GTF3C1: variants seen among roughly 807,000 people sequenced by gnomAD.
GTF3C1 encodes general transcription factor IIIC subunit 1, also known as general transcription factor 3C polypeptide 1.
In GTF3C1, 57 loss-of-function variants were observed where a neutral mutation model predicts 226.7. That is an observed-to-expected ratio of 0.25 (90% CI 0.20 to 0.31). The LOEUF is 0.31. Among genes scored for constraint, GTF3C1 ranks in the 10% least tolerant of loss-of-function variants. The pLI is 1.00. For synonymous variants in GTF3C1, 1,090 were observed against 1,084.8 expected (o/e 1.00, Z -0.09); for missense variants, 2,217 against 2,776.1 (o/e 0.80, Z 4.53).
chr16:27,546,053 G>A (rs1312015821), intron 1 of GTF3C1, among the ~76,000 whole-genome samples: 2 of 152,046 alleles, frequency 1.3e-5, no homozygotes, highest in Admixed American at 6.6e-5. Flanking sequence ...TCACCATGTT[G>A]GTCAGGGTGG....
intron 10 of GTF3C1, among the ~76,000 whole-genome samples, 166 bp downstream of exon 10, chr16:27,505,733 T>C (rs1189755121): frequency 1.3e-5 from 2 of 152,172 alleles, no homozygotes; most frequent in Non-Finnish European, 2.9e-5. Flanking sequence ...GTGAAAGTGG[T>C]GTGTAGATAA....
Position 27,464,411 on chromosome 16 carries a change from T to C in GTF3C1, c.5781A>G (p.Glu1927=). The C allele has an allele frequency of 6.2e-7, 1 of 1,603,420 alleles. No individual in the cohort carries two copies. The highest frequency in any genetic ancestry group is 8.5e-7 in the Non-Finnish European group (1 of 1,174,832). ...EDTAAAGAAQ[E]DQEGVGEFSS... ...TGAACTCACCGACACCCTCTTGGTC[T>C]TCCTGTGCTGCTCCCGCTGCAGCGG... The change falls in exon 34 of 37, where the codon GAA becomes GAG. Residue 1927 remains glutamate, a synonymous_variant. Coordinates refer to ENST00000356183, the MANE Select transcript of GTF3C1 (RefSeq NM_001520.4).
intron 12 of GTF3C1, among the ~76,000 whole-genome samples, chr16:27,499,459 T>C (rs937921016): frequency 2.0e-5 from 3 of 152,132 alleles, no homozygotes; most frequent in African/African-American, 7.2e-5. Flanking sequence ...TTCTTGCCTG[T>C]CTCTGCTGAG....
Position 27,473,907 on chromosome 16 carries a change from T to C in GTF3C1, c.4354-1987A>G, listed in dbSNP as rs539850359. ...GAGGGAAGCTGCATCTCACTCCTTGTGACAAGCCTTCTGTGACTTTGCTCT... is the reference window on the plus strand; with the variant it reads ...GAGGGAAGCTGCATCTCACTCCTTGCGACAAGCCTTCTGTGACTTTGCTCT... On this transcript the variant is annotated intron_variant, in intron 29 of 36. Coordinates refer to ENST00000356183, the MANE Select transcript of GTF3C1 (RefSeq NM_001520.4). Among the ~76,000 whole-genome samples, 4 of 152,336 alleles carry C rather than the reference T, an allele frequency of 2.6e-5. No individual in the cohort carries two copies. In the East Asian group the frequency reaches 7.7e-4, roughly 29 times the overall value.
At chr16:27,499,944 C>A (rs542270438) in intron 12 of GTF3C1, among the ~76,000 whole-genome samples, 1 of 152,314 alleles carries the variant, frequency 6.6e-6, no homozygotes, top group African/African-American at 2.4e-5. Flanking sequence ...AAGCCCCTTC[C>A]AGCCGGAAAA....
chr16:27,489,065 T>A lies in GTF3C1; in HGVS notation c.3407A>T (p.Tyr1136Phe), dbSNP rs1482992131. The A allele has an allele frequency of 6.2e-7, 1 of 1,614,030 alleles. No individual in the cohort carries two copies. The highest frequency in any genetic ancestry group is 8.5e-7 in the Non-Finnish European group (1 of 1,179,936). Residue 1136 changes from tyrosine to phenylalanine, a missense_variant, in exon 21 of 37, where the codon TAC (tyrosine) becomes TTC (phenylalanine). Physicochemically the swap from Tyr to Phe is conservative, Grantham distance 22. This residue lies in a region of GTF3C1 where 546 missense variants were observed against 663.0 expected (regional missense o/e 0.82). Transcript: ENST00000356183. ...CACCTTTTTGGCCTGGTTGATGATG[T>A]AGCTGGTCCAGATCCAGTTGCGCTT... ...HLKRNWIWTS[Y>F]IINQAKKENT...
In GTF3C1 at chr16:27,462,390, C is replaced by T; in HGVS notation, c.6021G>A (p.Leu2007=). 3 of 1,607,836 alleles carry T rather than the reference C, an allele frequency of 1.9e-6. No individual in the cohort carries two copies. The South Asian group carries it at 3.3e-5, about 18-fold the overall frequency. Residue 2007 remains leucine (L), a synonymous_variant, in exon 36 of 37, where the codon CTG becomes CTA. Transcript: ENST00000356183. The surrounding 1 kb of genome is among the most constrained non-coding windows in gnomAD (Gnocchi z 4.5). Reference sequence around the variant, plus strand: ...TGCCAGGCCTGGTCATGATGTGGTACAGCATGGCCTCCATCATACCCTTGC... The same window carrying T: ...TGCCAGGCCTGGTCATGATGTGGTATAGCATGGCCTCCATCATACCCTTGC... ...PVCKGMMEAM[L]YHIMTRPGIP... is the part of the protein sequence containing the mutation.
chr16:27,543,813 G>A (rs1454525337), intron 2 of GTF3C1, among the ~76,000 whole-genome samples: 1 of 152,180 alleles, frequency 6.6e-6, no homozygotes, highest in Non-Finnish European at 1.5e-5. Flanking sequence ...GTCCTTAACA[G>A]TGTAGCAGGG....
Position 27,488,627 on chromosome 16 carries a change from A to T in GTF3C1, c.3438T>A (p.Thr1146=). The change falls in exon 22 of 37, where the codon ACT becomes ACA. Residue 1146 remains threonine, a synonymous_variant. Transcript: ENST00000356183. ...YIINQAKKEN[T]AAENGLTVRL... ...TCACTGTGAGTCCATTCTCTGCGGC[A>T]GTGTTCTCCTGTGAGACAAGCACAG... is the stretch of plus-strand genomic sequence containing the variant. The T allele has an allele frequency of 4.3e-6, 7 of 1,612,656 alleles. No homozygotes were observed. The highest frequency in any genetic ancestry group is 5.9e-6 in the Non-Finnish European group (7 of 1,179,562).
At chr16:27,548,941 G>A (rs1479779419) in intron 1 of GTF3C1, among the ~76,000 whole-genome samples, 2 of 152,172 alleles carry the variant, frequency 1.3e-5, no homozygotes, top group Non-Finnish European at 2.9e-5. Context: ...ATTGTCTGAG[G>A]TCAGGAGTTC....
intron 7 of GTF3C1, among the ~76,000 whole-genome samples, chr16:27,511,049 G>T (rs954690907): frequency 5.3e-5 from 8 of 152,212 alleles, no homozygotes; most frequent in Non-Finnish European, 1.0e-4. Context: ...AACCTTAGGT[G>T]TCAATGGGAC....
intron 19 of GTF3C1, among the ~76,000 whole-genome samples, chr16:27,490,652 T>C (rs2088219559): frequency 6.6e-6 from 1 of 152,192 alleles, no homozygotes; most frequent in Admixed American, 6.5e-5. Context: ...AAAGCTTCTC[T>C]CATATAAATA....
At chr16:27,516,966 G>A (rs1410489889) in intron 6 of GTF3C1, among the ~76,000 whole-genome samples, 1 of 152,158 alleles carries the variant, frequency 6.6e-6, no homozygotes, top group Admixed American at 6.5e-5. Flanking sequence ...ACCTTGTGCT[G>A]GAGAGGCAGC....
rs767442130 is a variant in GTF3C1 at position 27,549,825 on chromosome 16, T to C, written c.66A>G (p.Pro22=). ...ALEGLDGLCL[P]ALWSRLETRV... is the part of the protein sequence containing the mutation. ...GCGTCTCCAGCCGGCTCCACAGCGC[T>C]GGCAGACACAGGCCATCGAGCCCCT... Residue 22 remains proline (P), a synonymous_variant, in exon 1 of 37, where the codon CCA becomes CCG. Transcript: ENST00000356183. The C allele has an allele frequency of 6.2e-7, 1 of 1,612,350 alleles. No individual in the cohort carries two copies. Among genetic ancestry groups the C allele is most frequent in the Non-Finnish European group, 8.5e-7 (1 of 1,179,592 alleles).
chr16:27,543,427 A>AT, intron 2 of GTF3C1, among the ~76,000 whole-genome samples: 1 of 152,114 alleles, frequency 6.6e-6, no homozygotes, highest in East Asian at 1.9e-4. Flanking sequence ...GTCACGCTCT[A>AT]TTGTCCAGAC....
chr16:27,514,070 T>C (rs918689444), intron 6 of GTF3C1, among the ~76,000 whole-genome samples: 1 of 152,202 alleles, frequency 6.6e-6, no homozygotes, highest in African/African-American at 2.4e-5. Context: ...AACAGACCTC[T>C]GGAGACACTC....
chr16:27,534,064 T>A (rs974698508), intron 4 of GTF3C1, among the ~76,000 whole-genome samples: 6 of 152,152 alleles, frequency 3.9e-5, no homozygotes, highest in African/African-American at 1.4e-4. Context: ...TCTACAAAGT[T>A]AACACACTTT....
intron 4 of GTF3C1, among the ~76,000 whole-genome samples, 183 bp downstream of exon 4, chr16:27,537,601 T>C (rs925619031): frequency 1.3e-5 from 2 of 152,100 alleles, no homozygotes; most frequent in Non-Finnish European, 2.9e-5. Flanking sequence ...AAAGATGCCA[T>C]CTTGGTATAT....
chr16:27,501,781 A>G (rs989142672), intron 11 of GTF3C1, among the ~76,000 whole-genome samples: 5 of 152,212 alleles, frequency 3.3e-5, no homozygotes, highest in African/African-American at 9.6e-5. Context: ...CTGAGTCACT[A>G]TGGTGATCTT....
Sources: allele counts gnomAD v4.1 joint callset (sites outside exome capture counted in the v4.1 genomes callset), GRCh38; gene constraint gnomAD v4.1.1; regional missense constraint gnomAD v4.1.1; non-coding constraint Gnocchi (gnomAD v3.1); transcripts MANE v1.5; gene names NCBI Gene and HGNC (gene_info 2026-07-23, HGNC 2026-07-21).